The following PM20D2 variants were observed in gnomAD, a reference collection of about 807,000 sequenced individuals.
The protein encoded by PM20D2 is xaa-Arg dipeptidase.
Under a neutral mutation model 42.9 loss-of-function variants are expected in PM20D2, and 33 were observed. That is an observed-to-expected ratio of 0.77 (90% CI 0.58 to 1.03). PM20D2 has a LOEUF of 1.03. Ranked by LOEUF, PM20D2 falls within the 50% of genes least tolerant of loss-of-function variation. The pLI, the probability that PM20D2 is intolerant of heterozygous loss-of-function variation, is 0.00. For missense variants in PM20D2, 548 were observed against 557.0 expected (o/e 0.98, Z 0.16); for synonymous variants, 250 against 228.2 (o/e 1.10, Z -0.86).
At chr6:89,117,953 G>A in the PM20D2 span, 4 of 1,486,104 alleles carry the variant, frequency 2.7e-6, no homozygotes, top group South Asian at 5.0e-5. Flanking sequence ...TCCCGCTACC[G>A]CTGCTACCAC....
At chr6:89,107,978 T>A in the PM20D2 span, among the ~76,000 whole-genome samples, 1 of 152,252 alleles carries the variant, frequency 6.6e-6, no homozygotes, top group Non-Finnish European at 1.5e-5. Context: ...TTTAATTTCA[T>A]GTTTATGTTA....
chr6:89,148,523 A>C, intron 1 of PM20D2: 1 of 980,370 alleles, frequency 1.0e-6, no homozygotes, highest in Non-Finnish European at 1.2e-6. Context: ...TTGTTTAATT[A>C]GGTGTTTGGT....
chr6:89,152,319 G>A (rs976448443), intron 2 of PM20D2, among the ~76,000 whole-genome samples: 9 of 152,034 alleles, frequency 5.9e-5, no homozygotes, highest in Admixed American at 1.3e-4. Context: ...ACCTAAATGT[G>A]GGTATTATTA....
chr6:89,151,114 G>A (rs1401260288), intron 2 of PM20D2, among the ~76,000 whole-genome samples: 2 of 137,386 alleles, frequency 1.5e-5, no homozygotes, highest in Non-Finnish European at 3.0e-5. Flanking sequence ...TCGTGCCATT[G>A]CACTCCAGCC....
chr6:89,118,610 C>G, the PM20D2 span, among the ~76,000 whole-genome samples: 268 of 152,338 alleles, frequency 1.8e-3, 1 homozygote, highest in African/African-American at 6.2e-3. Flanking sequence ...AGCCACCGCG[C>G]CTGGCCTGTT....
At chr6:89,110,514 C>G in the PM20D2 span, among the ~76,000 whole-genome samples, 1 of 152,140 alleles carries the variant, frequency 6.6e-6, no homozygotes, top group Admixed American at 6.5e-5. Flanking sequence ...TGGCCTGGGA[C>G]CAGTCTGATT....
the PM20D2 span, among the ~76,000 whole-genome samples, chr6:89,136,033 A>G: frequency 6.6e-6 from 1 of 151,124 alleles, no homozygotes; most frequent in African/African-American, 2.5e-5. Context: ...CAATAAGAAT[A>G]CTGCTGGATG....
the PM20D2 span, among the ~76,000 whole-genome samples, chr6:89,137,518 T>C: frequency 1.3e-5 from 2 of 152,246 alleles, no homozygotes; most frequent in Admixed American, 6.5e-5. Flanking sequence ...AGGTTTAATA[T>C]GATCTTGCAT....
chr6:89,161,913 G>C (rs1771252393), intron 6 of PM20D2, 23 bp downstream of exon 6: 2 of 1,565,456 alleles, frequency 1.3e-6, no homozygotes, highest in African/African-American at 2.7e-5. Flanking sequence ...GGATGTGACT[G>C]TTTTGGCACA....
chr6:89,137,921 T>C, the PM20D2 span, among the ~76,000 whole-genome samples: 1 of 152,200 alleles, frequency 6.6e-6, no homozygotes, highest in African/African-American at 2.4e-5. Context: ...GTTTAATAAC[T>C]TTGATTTTTA....
At chr6:89,094,143 ACTC>A in the PM20D2 span, among the ~76,000 whole-genome samples, 1 of 151,188 alleles carries the variant, frequency 6.6e-6, no homozygotes, top group Non-Finnish European at 1.5e-5. Flanking sequence ...CTGGTCTCGA[ACTC>A]CTGACCTCAA....
At chr6:89,115,550 G>A in the PM20D2 span, among the ~76,000 whole-genome samples, 1 of 152,022 alleles carries the variant, frequency 6.6e-6, no homozygotes, top group African/African-American at 2.4e-5. Flanking sequence ...CTAAAGTGCT[G>A]GGATTACAGG....
At position 89,153,190 on chromosome 6, in the gene PM20D2, G is replaced by A; in HGVS notation, c.757+5G>A. ...AACCAACCTGGAGAGTTCATGGTAT[G>A]AATGTCAAATACCTTCTATAATAGA... On this transcript the variant is annotated splice_donor_5th_base_variant and intron_variant, in intron 3 of 6. Transcript: ENST00000275072. The A allele has an allele frequency of 6.3e-7, 1 of 1,584,362 alleles. No homozygotes were observed. Among genetic ancestry groups the A allele is most frequent in the Non-Finnish European group, 8.6e-7 (1 of 1,166,708 alleles).
At position 89,158,309 on chromosome 6, in the gene PM20D2, T is replaced by C; in HGVS notation, c.913-16T>C. 6.4e-7 allele frequency: 1 copy of C among 1,562,186 alleles called. No individual in the cohort carries two copies. Among genetic ancestry groups the C allele is most frequent in the South Asian group, 1.2e-5 (1 of 83,072 alleles). On this transcript the variant is annotated splice_polypyrimidine_tract_variant and intron_variant, in intron 4 of 6. Coordinates refer to ENST00000275072, the MANE Select transcript of PM20D2 (RefSeq NM_001010853.3). ...GAGTTTTTTATTTCAAAATTTGTTT[T>C]GCAATTTTTTATTAGGTGGAAATTA...
At chr6:89,158,653 T>A (rs1288324497) in intron 5 of PM20D2, among the ~76,000 whole-genome samples, 193 bp downstream of exon 5, 1 of 152,220 alleles carries the variant, frequency 6.6e-6, no homozygotes, top group Non-Finnish European at 1.5e-5. Flanking sequence ...ACGAGCAGAC[T>A]TGATTTTAGA....
At chr6:89,125,326 A>G in the PM20D2 span, among the ~76,000 whole-genome samples, 101 of 152,216 alleles carry the variant, frequency 6.6e-4, 2 homozygotes, top group Admixed American at 6.5e-3. Context: ...TAAAAATACA[A>G]AAAATTAGCT....
At chr6:89,155,814 C>T (rs371716517) in intron 4 of PM20D2, among the ~76,000 whole-genome samples, 7 of 151,998 alleles carry the variant, frequency 4.6e-5, no homozygotes, top group South Asian at 2.1e-4. Flanking sequence ...TGGGTTCAAG[C>T]GATTCTTATG....
rs1299294984 is a variant in PM20D2, at chr6:89,165,521, A to C, written c.*3258A>C. The C allele has an allele frequency of 6.6e-6, 1 of 152,226 alleles. No individual in the cohort carries two copies. Among genetic ancestry groups the C allele is most frequent in the African/African-American group, 2.4e-5 (1 of 41,458 alleles). The allele number at this position is 152,226 out of a possible 1,614,324, so 9.4% of individuals were successfully genotyped here. A position where few individuals can be genotyped will look rare whatever the true frequency, so the allele number is the denominator to read the frequency against. On this transcript the variant is annotated 3_prime_UTR_variant, in exon 7 of 7. Coordinates refer to ENST00000275072, the MANE Select transcript of PM20D2 (RefSeq NM_001010853.3). ...TAAGCTTTTTTGTAATAATAGGTAC[A>C]TAAAATGTGTATGAAAAATCTACAA... is the stretch of plus-strand genomic sequence containing the variant.
Position 89,163,089 on chromosome 6 carries a change from A to G in PM20D2, c.*826A>G, listed in dbSNP as rs915140082. On this transcript the variant is annotated 3_prime_UTR_variant, in exon 7 of 7. Transcript: ENST00000275072. ...GCCTGCCAGTGTCTTTTTAATACAC[A>G]TGTGTGTTGGTATTTTTAAATTGTT... The G allele has an allele frequency of 1.3e-5, 2 of 152,086 alleles. No individual in the cohort carries two copies. The highest frequency in any genetic ancestry group is 1.5e-5 in the Non-Finnish European group (1 of 68,008). 9.4% of individuals were successfully genotyped at this position (152,086 alleles called of 1,614,324 possible). A position where few individuals can be genotyped will look rare whatever the true frequency, so the allele number is the denominator to read the frequency against.
Sources: gnomAD v4.1 joint callset for allele counts (sites outside exome capture counted in the v4.1 genomes callset) on GRCh38, gnomAD v4.1.1 for gene constraint, MANE v1.5 for transcripts, NCBI Gene and HGNC (gene_info 2026-07-23, HGNC 2026-07-21) for gene names.